LRRC37A2: variants seen among roughly 807,000 people sequenced by gnomAD.
LRRC37A2 encodes the protein leucine rich repeat containing 37 member A2.
Under a neutral mutation model 68.8 loss-of-function variants are expected in LRRC37A2, and 9 were observed. The observed-to-expected ratio is 0.13, with a 90% CI of 0.08 to 0.23. The LOEUF (loss-of-function observed/expected upper bound fraction) is 0.23. LRRC37A2 is among the 10% of genes least tolerant of loss of function. LRRC37A2 has a pLI of 1.00. For missense variants in LRRC37A2, 168 were observed against 950.4 expected, an observed-to-expected ratio of 0.18 and a Z score of 10.82; for synonymous variants, 63 against 367.6, an observed-to-expected ratio of 0.17 and a Z score of 9.48.
chr17:46,917,697 C>T, the LRRC37A2 span, among the ~76,000 whole-genome samples: 1 of 152,354 alleles, frequency 6.6e-6, no homozygotes, highest in South Asian at 2.1e-4. Context: ...TCCAATCCCA[C>T]ATTTCCGCTT....
At chr17:46,815,245 C>T in the LRRC37A2 span, among the ~76,000 whole-genome samples, 5 of 152,002 alleles carry the variant, frequency 3.3e-5, no homozygotes, top group African/African-American at 4.8e-5. Flanking sequence ...AAGGGGAATT[C>T]GAGAAATCAG....
the LRRC37A2 span, among the ~76,000 whole-genome samples, chr17:47,029,846 T>C: frequency 7.2e-5 from 11 of 151,984 alleles, no homozygotes; most frequent in Non-Finnish European, 8.8e-5. Context: ...GGTGGATCAC[T>C]TGAGGTCAGG....
At chr17:46,994,095 C>T in the LRRC37A2 span, among the ~76,000 whole-genome samples, 1 of 152,164 alleles carries the variant, frequency 6.6e-6, no homozygotes, top group Non-Finnish European at 1.5e-5. Flanking sequence ...TACAAAAATG[C>T]TGGTGGGGGC....
At chr17:46,823,811 G>T in the LRRC37A2 span, among the ~76,000 whole-genome samples, 1 of 152,174 alleles carries the variant, frequency 6.6e-6, no homozygotes, top group African/African-American at 2.4e-5. Flanking sequence ...TGGGGTGGGG[G>T]CACTGGCCGG....
chr17:46,622,424 G>C, the LRRC37A2 span, among the ~76,000 whole-genome samples: 2 of 150,320 alleles, frequency 1.3e-5, no homozygotes, highest in Non-Finnish European at 1.5e-5. Context: ...CACCAGGGCA[G>C]TCCAGCCTGG....
the LRRC37A2 span, among the ~76,000 whole-genome samples, chr17:46,800,630 A>T: frequency 6.6e-6 from 1 of 152,234 alleles, no homozygotes; most frequent in Non-Finnish European, 1.5e-5. Flanking sequence ...AGGCAATGAG[A>T]ATCCAGCTGG....
the LRRC37A2 span, among the ~76,000 whole-genome samples, chr17:46,711,535 G>A: frequency 4.6e-5 from 7 of 152,332 alleles, no homozygotes; most frequent in Non-Finnish European, 1.0e-4. Flanking sequence ...TACGGTGTAT[G>A]TGTGTAAAGG....
At chr17:46,976,459 A>C in the LRRC37A2 span, among the ~76,000 whole-genome samples, 1 of 151,928 alleles carries the variant, frequency 6.6e-6, no homozygotes, top group Non-Finnish European at 1.5e-5. Context: ...AGGCAGGAGA[A>C]TCGCTTGAAC....
At chr17:47,014,932 A>G in the LRRC37A2 span, among the ~76,000 whole-genome samples, 1 of 151,946 alleles carries the variant, frequency 6.6e-6, no homozygotes, top group Admixed American at 6.6e-5. Context: ...TTGGGTCAAC[A>G]GTAGACCACA....
the LRRC37A2 span, among the ~76,000 whole-genome samples, chr17:47,030,998 T>C: frequency 2.0e-4 from 31 of 151,866 alleles, no homozygotes; most frequent in African/African-American, 7.3e-4. Context: ...CTGGAAATTT[T>C]TGTAGTCATA....
At chr17:46,746,141 G>C in the LRRC37A2 span, among the ~76,000 whole-genome samples, 1 of 152,150 alleles carries the variant, frequency 6.6e-6, no homozygotes. Context: ...AAGGTCTGTT[G>C]CATATTCATC....
the LRRC37A2 span, among the ~76,000 whole-genome samples, chr17:46,979,399 A>G: frequency 6.6e-6 from 1 of 152,020 alleles, no homozygotes; most frequent in Non-Finnish European, 1.5e-5. Context: ...CCGGTGCTGG[A>G]GGGGGTCGGG....
the LRRC37A2 span, among the ~76,000 whole-genome samples, chr17:46,502,219 G>C: frequency 6.6e-6 from 1 of 151,116 alleles, no homozygotes; most frequent in Non-Finnish European, 1.5e-5. Context: ...TGAGTGAGAG[G>C]AGAGGGCATT....
At chr17:46,872,386 G>C in the LRRC37A2 span, 3 of 1,331,090 alleles carry the variant, frequency 2.3e-6, no homozygotes, top group Non-Finnish European at 1.9e-6. Flanking sequence ...AAATGGGGAC[G>C]GGACCTCCAG....
the LRRC37A2 span, among the ~76,000 whole-genome samples, chr17:46,970,014 A>G: frequency 0.47 from 70,832 of 152,022 alleles, 16,874 homozygotes; most frequent in South Asian, 0.53. Context: ...GCTCTAGCTG[A>G]CTACAGCTAA....
chr17:46,493,600 C>T, the LRRC37A2 span, among the ~76,000 whole-genome samples: 40 of 145,622 alleles, frequency 2.7e-4, 1 homozygote, highest in Admixed American at 1.9e-3. Flanking sequence ...TGCAGTGGCG[C>T]GATCTTGACT....
the LRRC37A2 span, chr17:47,033,359 G>T: frequency 1.4e-6 from 1 of 699,204 alleles, no homozygotes; most frequent in African/African-American, 1.8e-5. Flanking sequence ...AGCTTGGTGT[G>T]GGGAGATGTG....
At chr17:46,916,123 CT>C in the LRRC37A2 span, among the ~76,000 whole-genome samples, 1 of 152,240 alleles carries the variant, frequency 6.6e-6, no homozygotes, top group East Asian at 1.9e-4. Flanking sequence ...CTCTCCAAGG[CT>C]TTGCAACACA....
At chr17:46,599,371 A>AT in the LRRC37A2 span, among the ~76,000 whole-genome samples, 2 of 57,578 alleles carry the variant, frequency 3.5e-5, no homozygotes, top group Non-Finnish European at 5.9e-5. Flanking sequence ...TTTCCAACTT[A>AT]TTTTTTTTTA....
Sources: allele counts gnomAD v4.1 joint callset (sites outside exome capture counted in the v4.1 genomes callset), GRCh38; gene constraint gnomAD v4.1.1; transcripts MANE v1.5; gene names NCBI Gene and HGNC (gene_info 2026-07-23, HGNC 2026-07-21).